The following PTPN18 variants were observed in gnomAD, a reference collection of about 807,000 sequenced individuals.
PTPN18 encodes protein tyrosine phosphatase non-receptor type 18, also known as tyrosine-protein phosphatase non-receptor type 18.
A neutral mutation model predicts 65.4 loss-of-function variants in PTPN18; 65 were observed. The observed-to-expected ratio is 0.99, with a 90% CI of 0.81 to 1.22. PTPN18 has a LOEUF of 1.22. PTPN18 is among the 50% of genes most tolerant of loss of function. The probability of loss-of-function intolerance (pLI) is 0.00; values close to 1 mark genes in which losing one functional copy is unlikely to be tolerated. For missense variants in PTPN18, 616 were observed against 646.5 expected (o/e 0.95, Z 0.51); for synonymous variants, 255 against 267.8 (o/e 0.95, Z 0.47).
At position 130,370,782 on chromosome 2, in the gene PTPN18, G is replaced by C. The variant is rs1191123280; in HGVS notation, c.834G>C (p.Glu278Asp). 6.2e-7 allele frequency: 1 copy of C among 1,613,994 alleles called. No individual in the cohort carries two copies. The highest frequency in any genetic ancestry group is 1.7e-5 in the Admixed American group (1 of 60,018). Residue 278 changes from glutamate to aspartate, a missense_variant and splice_region_variant, in exon 10 of 15, where the codon GAG becomes GAC. By Grantham distance (45) the Glu-to-Asp change is conservative. Around this residue, in one of 3 missense-constraint regions of PTPN18, gnomAD observed 368 missense variants for 386.7 expected, o/e 0.95. Coordinates refer to ENST00000175756, the MANE Select transcript of PTPN18 (RefSeq NM_014369.4). ...AGCGGCCTGCGGCCGTGCAGACAGA[G>C]GTGAACCCTGGGTCTCCTAATCTTC... ...RKQRPAAVQT[E>D]EQYRFLYHTV...
chr2:130,363,317 T>C (rs1421758814), intron 5 of PTPN18, among the ~76,000 whole-genome samples: 1 of 151,538 alleles, frequency 6.6e-6, no homozygotes, highest in Non-Finnish European at 1.5e-5. Flanking sequence ...CATGGTGGCA[T>C]GTGCCTGTAA....
intron 5 of PTPN18, among the ~76,000 whole-genome samples, chr2:130,361,148 CT>C (rs1278142689): frequency 1.3e-5 from 2 of 152,132 alleles, no homozygotes; most frequent in Non-Finnish European, 2.9e-5. Context: ...TATATCTTTA[CT>C]GATTTATTTT....
Position 130,374,960 on chromosome 2 carries a change from G to A in PTPN18, c.*1736G>A, listed in dbSNP as rs1215344288. On this transcript the variant is annotated 3_prime_UTR_variant, in exon 15 of 15. Coordinates refer to ENST00000175756, the MANE Select transcript of PTPN18 (RefSeq NM_014369.4). The stretch of plus-strand genomic sequence containing the variant: ...TTCCCAGACTTTCCCAGGAGGCTTG[G>A]GTTTGGGTGCCCACAGTGGGAGCTG... 3.8e-6 allele frequency: 1 copy of A among 263,066 alleles called. No individual in the cohort carries two copies. The highest frequency in any genetic ancestry group is 2.2e-5 in the African/African-American group (1 of 45,132). The allele number at this position is 263,066 out of a possible 1,614,324, so 16.3% of individuals were successfully genotyped here.
intron 5 of PTPN18, among the ~76,000 whole-genome samples, chr2:130,360,703 A>G (rs1266998020): frequency 6.6e-6 from 1 of 152,086 alleles, no homozygotes; most frequent in Non-Finnish European, 1.5e-5. Flanking sequence ...ATTCTAAAGT[A>G]TTTATCTGAC....
chr2:130,358,317 AATT>A (rs976882957), intron 1 of PTPN18, among the ~76,000 whole-genome samples: 3 of 152,262 alleles, frequency 2.0e-5, no homozygotes, highest in Non-Finnish European at 4.4e-5. Context: ...ACGATTCACT[AATT>A]ATTATTATAA....
intron 1 of PTPN18, among the ~76,000 whole-genome samples, chr2:130,358,061 A>G (rs943437419): frequency 2.0e-5 from 3 of 152,214 alleles, no homozygotes; most frequent in South Asian, 2.1e-4. Context: ...AACCGTGTAC[A>G]GTGCGGAGGG....
Position 130,372,478 on chromosome 2 carries a change from G to A in PTPN18, c.1235G>A (p.Gly412Asp), listed in dbSNP as rs549901047. 4 of 1,375,880 alleles carry A rather than the reference G, an allele frequency of 2.9e-6. No individual in the cohort carries two copies. The Admixed American group carries it at 1.5e-4, about 51-fold the overall frequency. The allele number at this position is 1,375,880 out of a possible 1,614,324, so 85.2% of individuals were successfully genotyped here. The change falls in exon 13 of 15, where the codon GGC becomes GAC. Residue 412 changes from glycine (G) to aspartate (D), a missense_variant. Transcript: ENST00000175756. ...GAGGACGCGAGGGGGACGCTGCCTGGCCGCGGTGAGTCGAGGCTTGCTCCT... is the reference window on the plus strand; with the variant it reads ...GAGGACGCGAGGGGGACGCTGCCTGACCGCGGTGAGTCGAGGCTTGCTCCT... ...HAEDARGTLP[G>D]RVPADQSPAG... is the part of the protein sequence containing the mutation.
chr2:130,356,573 C>A (rs894694706), intron 1 of PTPN18: 1 of 487,896 alleles, frequency 2.0e-6, no homozygotes, highest in South Asian at 1.5e-5. Flanking sequence ...CCGCTTCTGG[C>A]GACCTGACTG....
chr2:130,358,778 C>T, intron 1 of PTPN18, 89 bp from the exon 2 acceptor site: 1 of 1,039,162 alleles, frequency 9.6e-7, no homozygotes, highest in Non-Finnish European at 1.5e-6. Flanking sequence ...GGCTTTGTAT[C>T]CTGCAAGCGT....
At chr2:130,372,572 G>C in intron 13 of PTPN18, 89 bp downstream of exon 13, 1 of 1,372,566 alleles carries the variant, frequency 7.3e-7, no homozygotes, top group African/African-American at 1.5e-5. Context: ...AGGCCCTGGC[G>C]GCCGCGGGGA....
At chr2:130,365,369 G>A (rs1396358422) in intron 5 of PTPN18, among the ~76,000 whole-genome samples, 8 of 152,114 alleles carry the variant, frequency 5.3e-5, no homozygotes, top group African/African-American at 9.7e-5. Flanking sequence ...GTGCTTATTC[G>A]TCCATTTGTA....
intron 9 of PTPN18, 25 bp from the exon 10 acceptor site, chr2:130,370,680 C>G: frequency 1.2e-6 from 2 of 1,614,084 alleles, no homozygotes; most frequent in Non-Finnish European, 1.7e-6. Flanking sequence ...GTGTCCTGCT[C>G]AAGTGCCTTG....
chr2:130,369,379 A>T (rs553263854), intron 6 of PTPN18, among the ~76,000 whole-genome samples, 178 bp downstream of exon 6: 6 of 152,200 alleles, frequency 3.9e-5, no homozygotes, highest in Non-Finnish European at 1.5e-5. Flanking sequence ...TTTGGCTACA[A>T]TCAGTTAATC....
At chr2:130,364,959 C>T (rs1030406207) in intron 5 of PTPN18, among the ~76,000 whole-genome samples, 2 of 152,170 alleles carry the variant, frequency 1.3e-5, no homozygotes, top group Admixed American at 6.5e-5. Context: ...TTTACGTTCC[C>T]ATCAGCAGAG....
chr2:130,371,935 TC>T (rs1410310539), intron 12 of PTPN18: 1 of 318,408 alleles, frequency 3.1e-6, no homozygotes, highest in African/African-American at 2.2e-5. Flanking sequence ...AAGGCCCTTG[TC>T]CTTGCGGCCA....
intron 12 of PTPN18, 52 bp from the exon 13 acceptor site, chr2:130,372,205 C>A: frequency 6.6e-7 from 1 of 1,510,434 alleles, no homozygotes; most frequent in Non-Finnish European, 8.9e-7. Flanking sequence ...TCCCCACTCC[C>A]GCCCTGCCCA....
At chr2:130,360,671 G>C (rs1273790651) in intron 5 of PTPN18, among the ~76,000 whole-genome samples, 1 of 152,120 alleles carries the variant, frequency 6.6e-6, no homozygotes, top group African/African-American at 2.4e-5. Context: ...GTTGCAAGTT[G>C]AATAAATTAT....
In PTPN18 at chr2:130,372,880, T is replaced by G. The variant is rs1237522085; in HGVS notation, c.1248T>G (p.Ala416=). 6.2e-7 allele frequency: 1 copy of G among 1,614,150 alleles called. No homozygotes were observed. The highest frequency in any genetic ancestry group is 8.5e-7 in the Non-Finnish European group (1 of 1,179,998). Residue 416 remains alanine, a synonymous_variant, in exon 14 of 15, where the codon GCT becomes GCG. Transcript: ENST00000175756. ...ARGTLPGRVP[A]DQSPAGSGAY... ...GGGGTCTGCTGCCCTCAGTTCCTGC[T>G]GACCAAAGTCCTGCCGGATCTGGCG...
At chr2:130,369,971 G>C in intron 7 of PTPN18, 77 bp from the exon 8 acceptor site, 1 of 1,580,076 alleles carries the variant, frequency 6.3e-7, no homozygotes, top group Non-Finnish European at 8.7e-7. Context: ...AAGTGGGCCT[G>C]GTGTATAGTA....
Sources: gnomAD v4.1 joint callset for allele counts (sites outside exome capture counted in the v4.1 genomes callset) on GRCh38, gnomAD v4.1.1 for gene constraint, gnomAD v4.1.1 regional missense constraint, MANE v1.5 for transcripts, NCBI Gene and HGNC (gene_info 2026-07-23, HGNC 2026-07-21) for gene names.